The following KCND3 variants were observed in gnomAD, a reference collection of about 807,000 sequenced individuals.
KCND3 encodes A-type voltage-gated potassium channel KCND3.
A neutral mutation model predicts 51.1 loss-of-function variants in KCND3; 9 were observed. The observed-to-expected ratio is 0.18, with a 90% CI of 0.11 to 0.31. The LOEUF is 0.31. Among genes scored for constraint, KCND3 ranks in the 10% least tolerant of loss-of-function variants. The pLI is 1.00. For synonymous variants in KCND3, 349 were observed against 368.0 expected, an observed-to-expected ratio of 0.95 and a Z score of 0.59; for missense variants, 526 against 903.8, an observed-to-expected ratio of 0.58 and a Z score of 5.36.
chr1:111,988,187 G>A (rs1207450896), intron 1 of KCND3, among the ~76,000 whole-genome samples: 1 of 152,162 alleles, frequency 6.6e-6, no homozygotes, highest in Non-Finnish European at 1.5e-5. Context: ...TGGTCTGGGG[G>A]CAGAGGAAGG....
intron 2 of KCND3, among the ~76,000 whole-genome samples, chr1:111,873,917 G>C (rs1406166073): frequency 2.0e-5 from 3 of 151,854 alleles, no homozygotes; most frequent in Admixed American, 6.6e-5. Context: ...TGGGGATGGG[G>C]GTAGGTTTAA....
chr1:111,886,203 AAAC>A (rs1669564883), intron 2 of KCND3, among the ~76,000 whole-genome samples: 1 of 152,214 alleles, frequency 6.6e-6, no homozygotes, highest in Non-Finnish European at 1.5e-5. Flanking sequence ...CCATTAAGTC[AAAC>A]AACAAGCAGA....
intron 2 of KCND3, among the ~76,000 whole-genome samples, chr1:111,871,460 G>A (rs1224110503): frequency 3.3e-5 from 5 of 152,188 alleles, no homozygotes. Flanking sequence ...GTCAGCTTGT[G>A]TGACAGGAAG....
At chr1:111,808,727 G>A (rs1665695106) in intron 2 of KCND3, among the ~76,000 whole-genome samples, 1 of 152,160 alleles carries the variant, frequency 6.6e-6, no homozygotes, top group African/African-American at 2.4e-5. Context: ...AGTTGGTGAG[G>A]GGAAGTGGCT....
rs1664073633 is a variant in KCND3 at position 111,775,753 on chromosome 1, G to A, written c.*324C>T. On this transcript the variant is annotated 3_prime_UTR_variant, in exon 8 of 8. Transcript: ENST00000302127. ...TCCAGAAACGACTGTTATTTGGTCT[G>A]AGTCTGAGGCTCCTCCATCCAGGCC... 2 of 423,512 alleles carry A rather than the reference G, an allele frequency of 4.7e-6. No individual in the cohort carries two copies. The highest frequency in any genetic ancestry group is 7.0e-5 in the Admixed American group (2 of 28,450). The allele number at this position is 423,512 out of a possible 1,614,324, so 26.2% of individuals were successfully genotyped here.
At chr1:111,919,207 T>C (rs796587352) in intron 2 of KCND3, among the ~76,000 whole-genome samples, 35 of 146,970 alleles carry the variant, frequency 2.4e-4, no homozygotes, top group African/African-American at 7.8e-4. Context: ...GCATTCTAGA[T>C]TGGGGAGACA....
Position 111,780,725 on chromosome 1 carries a change from G to T in KCND3, c.1336C>A (p.Arg446Ser), listed in dbSNP as rs756087542. 2 of 1,612,948 alleles carry T rather than the reference G, an allele frequency of 1.2e-6. No individual in the cohort carries two copies. Among genetic ancestry groups the T allele is most frequent in the Non-Finnish European group, 1.7e-6 (2 of 1,179,632 alleles). ...AGCGCCTCGTTGAGGAGCCCGTTGC[G>T]CTTGCTGTGCAGGTATGCATTCGAA... ...GSSNAYLHSKRNGLLNEALEL... is the reference protein window; with the variant it reads ...GSSNAYLHSKSNGLLNEALEL... Residue 446 changes from arginine to serine, a missense_variant, in exon 4 of 8, where the codon CGC (arginine) becomes AGC (serine). Coordinates refer to ENST00000302127, the MANE Select transcript of KCND3 (RefSeq NM_001378969.1). The surrounding 1 kb of genome is among the most constrained non-coding windows in gnomAD (Gnocchi z 4.2).
intron 2 of KCND3, among the ~76,000 whole-genome samples, chr1:111,816,505 G>A (rs535562875): frequency 6.6e-6 from 1 of 152,370 alleles, no homozygotes; most frequent in South Asian, 2.1e-4. Context: ...AGAGGATTGT[G>A]TGGCTCTCAA....
rs931187492 is a variant in KCND3 at position 111,815,883 on chromosome 1, T to C, written c.1107-28777A>G. ...GGAATTTCTGGGCCTTCCTGGATGT[T>C]CCCCCCCCACACAAAAATTCCTCCT... On this transcript the variant is annotated intron_variant, in intron 2 of 7. Coordinates refer to ENST00000302127, the MANE Select transcript of KCND3 (RefSeq NM_001378969.1). Among the ~76,000 whole-genome samples, 392 of 151,200 alleles carry C rather than the reference T, an allele frequency of 2.6e-3. 4 individuals are homozygous for C. Among genetic ancestry groups the C allele is most frequent in the African/African-American group, 9.3e-3 (382 of 41,194 alleles).
At chr1:111,931,146 G>T (rs1285061554) in intron 2 of KCND3, among the ~76,000 whole-genome samples, 1 of 152,216 alleles carries the variant, frequency 6.6e-6, no homozygotes, top group African/African-American at 2.4e-5. Context: ...CAGGCATCTT[G>T]CTCATCTGTG....
chr1:111,873,268 C>T (rs752121674), intron 2 of KCND3, among the ~76,000 whole-genome samples: 7 of 152,216 alleles, frequency 4.6e-5, no homozygotes, highest in Admixed American at 2.6e-4. Flanking sequence ...GGATGAAGCA[C>T]TCAGACAAGA....
At chr1:111,890,417 A>G (rs545106198) in intron 2 of KCND3, among the ~76,000 whole-genome samples, 2 of 152,324 alleles carry the variant, frequency 1.3e-5, no homozygotes, top group African/African-American at 4.8e-5. Context: ...TTCTCCATCA[A>G]TGAAGATATA....
chr1:111,901,988 C>T (rs1670405331), intron 2 of KCND3, among the ~76,000 whole-genome samples: 1 of 152,200 alleles, frequency 6.6e-6, no homozygotes, highest in African/African-American at 2.4e-5. Flanking sequence ...TAGGCAGCAA[C>T]AAAGCTGAGT....
At chr1:111,965,678 G>C (rs574812887) in intron 2 of KCND3, among the ~76,000 whole-genome samples, 9 of 152,148 alleles carry the variant, frequency 5.9e-5, no homozygotes, top group Non-Finnish European at 1.3e-4. Flanking sequence ...ATCTGGATAG[G>C]AAATGTCCCC....
chr1:111,980,054 C>G (rs573501252), intron 2 of KCND3, among the ~76,000 whole-genome samples: 2 of 152,108 alleles, frequency 1.3e-5, no homozygotes, highest in African/African-American at 4.8e-5. Flanking sequence ...GGGATAAAGA[C>G]GACCTCTTGA....
chr1:111,786,714 C>A (rs995074461), intron 3 of KCND3, among the ~76,000 whole-genome samples: 1 of 151,912 alleles, frequency 6.6e-6, no homozygotes, highest in Non-Finnish European at 1.5e-5. Flanking sequence ...CAAAAAATGT[C>A]CAAAGGGGGA....
intron 2 of KCND3, among the ~76,000 whole-genome samples, chr1:111,851,350 A>G (rs1313175016): frequency 6.6e-6 from 1 of 152,168 alleles, no homozygotes; most frequent in African/African-American, 2.4e-5. Flanking sequence ...TGCTGAGTCA[A>G]TGAGCGCAGT....
chr1:111,842,204 T>G lies in KCND3; in HGVS notation c.1107-55098A>C, dbSNP rs532624250. On this transcript the variant is annotated intron_variant, in intron 2 of 7. Coordinates refer to ENST00000302127, the MANE Select transcript of KCND3 (RefSeq NM_001378969.1). ...CGCAGGGGACAGGGACTCACAGAAC[T>G]CCAGGCAGAAGGGCTGATGGTGAGG... 1.8e-4 allele frequency among the ~76,000 whole-genome samples: 28 copies of G among 152,200 alleles called. No homozygotes were observed. In the South Asian group the frequency reaches 1.9e-3, roughly 10 times the overall value.
chr1:111,986,581 G>A (rs1332015052), intron 1 of KCND3, among the ~76,000 whole-genome samples: 2 of 152,114 alleles, frequency 1.3e-5, no homozygotes, highest in African/African-American at 2.4e-5. Context: ...TCACCCTCTG[G>A]GCCTCAGAGT....
Sources: allele counts gnomAD v4.1 joint callset (sites outside exome capture counted in the v4.1 genomes callset), GRCh38; gene constraint gnomAD v4.1.1; non-coding constraint Gnocchi (gnomAD v3.1); transcripts MANE v1.5; gene names NCBI Gene and HGNC (gene_info 2026-07-23, HGNC 2026-07-21).